PRDM15: variants seen among roughly 807,000 people sequenced by gnomAD.
The protein encoded by PRDM15 is PR domain zinc finger protein 15.
Under a neutral mutation model 128.6 loss-of-function variants are expected in PRDM15, and 64 were observed. The observed-to-expected ratio is 0.50, with a 90% CI of 0.41 to 0.61. PRDM15 has a LOEUF of 0.61. Ranked by LOEUF, PRDM15 falls within the 20% of genes least tolerant of loss-of-function variation. The pLI is 0.00. For synonymous variants in PRDM15, 615 were observed against 621.8 expected, an observed-to-expected ratio of 0.99 and a Z score of 0.16; for missense variants, 1,242 against 1,569.1, an observed-to-expected ratio of 0.79 and a Z score of 3.52.
rs201344209 is a variant in PRDM15 at position 41,878,682 on chromosome 21, G to A, written c.-10+588C>T. 279 of 1,537,522 alleles carry A rather than the reference G, an allele frequency of 1.8e-4. 1 individual carries two copies. The highest frequency in any genetic ancestry group is 3.4e-4 in the Middle Eastern group (2 of 5,896). On this transcript the variant is annotated intron_variant, in intron 1 of 23. Transcript: ENST00000398548. ...CGAAAATAAGGCGCAGGGGGTCTGG[G>A]AGACCCCATCACCAGGACTCAGCTT...
chr21:41,824,902 G>A (rs1420650211), intron 13 of PRDM15, among the ~76,000 whole-genome samples: 1 of 152,264 alleles, frequency 6.6e-6, no homozygotes, highest in African/African-American at 2.4e-5. Context: ...CATGCTGGAA[G>A]GCAGGACGGC....
rs139441806 is a variant in PRDM15 at position 41,858,066 on chromosome 21, G to A, written c.132-737C>T. Among the ~76,000 whole-genome samples the A allele has an allele frequency of 3.5e-3, 526 of 152,372 alleles. 4 individuals carry two copies. Among genetic ancestry groups the A allele is most frequent in the African/African-American group, 0.011 (466 of 41,590 alleles). ...GTCCAGCGATGGAGGAGGGACCACAGGGAACTCGCTGCTGAGGAGCCATAT... is the reference window on the plus strand; with the variant it reads ...GTCCAGCGATGGAGGAGGGACCACAAGGAACTCGCTGCTGAGGAGCCATAT... On this transcript the variant is annotated intron_variant, in intron 3 of 23. Coordinates refer to ENST00000398548, the MANE Select transcript of PRDM15 (RefSeq NM_001040424.3).
chr21:41,869,427 A>G (rs566703052), intron 1 of PRDM15, among the ~76,000 whole-genome samples: 1 of 147,080 alleles, frequency 6.8e-6, no homozygotes, highest in Non-Finnish European at 1.5e-5. Flanking sequence ...CTACAGGCAC[A>G]CATCACCGGC....
At chr21:41,858,902 G>A (rs569042032) in intron 3 of PRDM15, 58 of 657,064 alleles carry the variant, frequency 8.8e-5, no homozygotes, top group Admixed American at 6.4e-4. Flanking sequence ...CTGGAAAGAC[G>A]GCGGCCACCT....
intron 17 of PRDM15, 28 bp downstream of exon 17, chr21:41,820,067 G>A (rs756134345): frequency 9.4e-6 from 15 of 1,602,362 alleles, no homozygotes; most frequent in South Asian, 2.2e-5. Flanking sequence ...AGCGAGGGCC[G>A]GGACCCCAAA....
chr21:41,831,021 C>T (rs2062671623), intron 11 of PRDM15, among the ~76,000 whole-genome samples: 1 of 152,264 alleles, frequency 6.6e-6, no homozygotes, highest in African/African-American at 2.4e-5. Context: ...CATTCTCCTC[C>T]CTGTGTCGCC....
rs771139654 is a variant in PRDM15 at position 41,822,002 on chromosome 21, C to A, written c.1797G>T (p.Glu599Asp). ...AGGAGATCCCGATCTTGCCGATAAA[C>A]TCTTCCCTCTGGTGGTCATCCATCA... ...IALMDDHQRE[E>D]FIGKIGISSE... The change falls in exon 15 of 24, where the codon GAG becomes GAT. Residue 599 changes from glutamate to aspartate, a missense_variant. By Grantham distance (45) the Glu-to-Asp change is conservative. Coordinates refer to ENST00000398548, the MANE Select transcript of PRDM15 (RefSeq NM_001040424.3). 1 of 1,614,198 alleles carries A rather than the reference C, an allele frequency of 6.2e-7. No homozygotes were observed. The highest frequency in any genetic ancestry group is 2.2e-5 in the East Asian group (1 of 44,884).
chr21:41,807,489 G>A (rs1011616835), intron 21 of PRDM15, among the ~76,000 whole-genome samples: 1 of 152,170 alleles, frequency 6.6e-6, no homozygotes, highest in African/African-American at 2.4e-5. Flanking sequence ...AGGCCTCACT[G>A]CGGTACACAC....
At chr21:41,861,925 A>AC in intron 1 of PRDM15, 1 of 1,613,656 alleles carries the variant, frequency 6.2e-7, no homozygotes, top group Admixed American at 1.7e-5. Flanking sequence ...GGGAACACAC[A>AC]TTCACGTTCA....
intron 18 of PRDM15, among the ~76,000 whole-genome samples, chr21:41,818,916 C>T (rs1371896719): frequency 2.6e-5 from 4 of 152,166 alleles, no homozygotes; most frequent in Admixed American, 6.5e-5. Context: ...GAAGATTCCT[C>T]GGCCGTGGTG....
intron 1 of PRDM15, chr21:41,871,020 C>CTATG (rs1390233324): frequency 6.5e-6 from 1 of 153,168 alleles, no homozygotes; most frequent in Non-Finnish European, 1.5e-5. Flanking sequence ...TTGTTACTGT[C>CTATG]TCATAAAGTA....
intron 21 of PRDM15, among the ~76,000 whole-genome samples, chr21:41,806,105 TCACCACCACCACCACCACCATCACC>T (rs2061582562): frequency 1.9e-4 from 1 of 5,384 alleles, no homozygotes; most frequent in Non-Finnish European, 3.1e-4. Context: ...ACCACCACCA[TCACCACCACCACCACCACCATCACC>T]ACCACCATCA....
Position 41,804,596 on chromosome 21 carries a change from C to A in PRDM15, c.2671G>T (p.Asp891Tyr). ...KHPEVLAVRI[D>Y]DLDHLPETTT... Reference sequence around the variant, plus strand: ...GTCTCCGGGAGGTGGTCCAGGTCATCGATCCTCACCGCGAGCACCTATGAG... The same window carrying A: ...GTCTCCGGGAGGTGGTCCAGGTCATAGATCCTCACCGCGAGCACCTATGAG... Residue 891 changes from aspartate to tyrosine, a missense_variant, in exon 22 of 24, where the codon GAT becomes TAT. Coordinates refer to ENST00000398548, the MANE Select transcript of PRDM15 (RefSeq NM_001040424.3). 1 of 1,566,246 alleles carries A rather than the reference C, an allele frequency of 6.4e-7. No homozygotes were observed. Among genetic ancestry groups the A allele is most frequent in the Non-Finnish European group, 8.7e-7 (1 of 1,155,472 alleles).
chr21:41,859,323 T>C lies in PRDM15; in HGVS notation c.131+269A>G. ...TTGGCAAGTCCACTCTTCTGCAGCC[T>C]CCACACACTGTGTCGGGAACAGCTG... On this transcript the variant is annotated intron_variant, in intron 3 of 23. Coordinates refer to ENST00000398548, the MANE Select transcript of PRDM15 (RefSeq NM_001040424.3). The surrounding 1 kb of genome is among the most constrained non-coding windows in gnomAD (Gnocchi z 5.3). 1 of 1,150,568 alleles carries C rather than the reference T, an allele frequency of 8.7e-7. No homozygotes were observed. The highest frequency in any genetic ancestry group is 1.4e-5 in the South Asian group (1 of 71,180). 71.3% of individuals were successfully genotyped at this position (1,150,568 alleles called of 1,614,324 possible).
chr21:41,855,873 C>T (rs2145856798), intron 4 of PRDM15, among the ~76,000 whole-genome samples: 1 of 152,222 alleles, frequency 6.6e-6, no homozygotes, highest in South Asian at 2.1e-4. Flanking sequence ...ATTTCTTCAA[C>T]TTAAAACAGC....
chr21:41,821,054 G>A lies in PRDM15; in HGVS notation c.2060+13C>T, dbSNP rs527355708. On this transcript the variant is annotated intron_variant, in intron 16 of 23. Coordinates refer to ENST00000398548, the MANE Select transcript of PRDM15 (RefSeq NM_001040424.3). The surrounding 1 kb of genome is among the most constrained non-coding windows in gnomAD (Gnocchi z 5.4). ...CTCCTGACACAACCCGGGAGCCCCC[G>A]ACCAGGCCTCACTTCTGCACGTTGG... 44 of 1,614,090 alleles carry A rather than the reference G, an allele frequency of 2.7e-5. No homozygotes were observed. The East Asian group carries it at 4.5e-4, about 16-fold the overall frequency.
rs1459108765 is a variant in PRDM15 at position 41,823,518 on chromosome 21, CT to C, written c.1630-70del. The C allele has an allele frequency of 2.5e-5, 37 of 1,507,614 alleles. No homozygotes were observed. In the African/African-American group the frequency reaches 4.6e-4, roughly 19 times the overall value. The allele number at this position is 1,507,614 out of a possible 1,614,324, so 93.4% of individuals were successfully genotyped here. A position where few individuals can be genotyped will look rare whatever the true frequency, so the allele number is the denominator to read the frequency against. ...GACGGGAAGGAGCCTCTCCATCAGGCTCCTCTGGGGAAACCACAACCCGGGA... is the reference window on the plus strand; with the variant it reads ...GACGGGAAGGAGCCTCTCCATCAGGCCCTCTGGGGAAACCACAACCCGGGA... On this transcript the variant is annotated intron_variant, in intron 13 of 23. Coordinates refer to ENST00000398548, the MANE Select transcript of PRDM15 (RefSeq NM_001040424.3).
rs1007459233 is a variant in PRDM15 at position 41,828,032 on chromosome 21, C to T, written c.1534+134G>A. ...AGAAGAGGATGAGCCCATCGGATGG[C>T]GGGCGTTTCCAGGCAAAGGAGCAGG... On this transcript the variant is annotated intron_variant, in intron 12 of 23. Transcript: ENST00000398548. This position sits in a 1 kb window ranked among gnomAD's most constrained non-coding sequence, Gnocchi z 5.7. 7.4e-6 allele frequency: 6 copies of T among 812,584 alleles called. No homozygotes were observed. The highest frequency in any genetic ancestry group is 2.6e-5 in the East Asian group (1 of 38,474). 50.3% of individuals were successfully genotyped at this position (812,584 alleles called of 1,614,324 possible). A position where few individuals can be genotyped will look rare whatever the true frequency, so the allele number is the denominator to read the frequency against.
At chr21:41,806,739 A>ACCACCACCATCACCACCG (rs1213595991) in intron 21 of PRDM15, among the ~76,000 whole-genome samples, 1 of 132,250 alleles carries the variant, frequency 7.6e-6, no homozygotes, top group East Asian at 2.2e-4. Context: ...CCATCACCAT[A>ACCACCACCATCACCACCG]CCACCACCAT....
Sources: allele counts gnomAD v4.1 joint callset (sites outside exome capture counted in the v4.1 genomes callset), GRCh38; gene constraint gnomAD v4.1.1; non-coding constraint Gnocchi (gnomAD v3.1); transcripts MANE v1.5; gene names NCBI Gene and HGNC (gene_info 2026-07-23, HGNC 2026-07-21).